B3GLCT: variants seen among roughly 807,000 people sequenced by gnomAD.
The protein encoded by B3GLCT is beta 3-glucosyltransferase.
B3GLCT carries 65 observed loss-of-function variants against 63.4 expected under a neutral mutation model. The ratio of observed to expected loss-of-function variants is 1.03; its 90% confidence interval spans 0.84 to 1.26. The LOEUF is 1.26. Among genes scored for constraint, B3GLCT ranks in the 50% most tolerant of loss-of-function variants. The probability of loss-of-function intolerance (pLI) is 0.00; values close to 1 mark genes in which losing one functional copy is unlikely to be tolerated. For missense variants in B3GLCT, 577 were observed against 604.8 expected (o/e 0.95, Z 0.48); for synonymous variants, 233 against 219.2 (o/e 1.06, Z -0.55).
intron 4 of B3GLCT, among the ~76,000 whole-genome samples, chr13:31,241,782 G>A (rs1454380667): frequency 6.6e-6 from 1 of 152,144 alleles, no homozygotes; most frequent in Non-Finnish European, 1.5e-5. Context: ...GCAATACATC[G>A]TGGGTGTCAC....
chr13:31,292,022 G>A (rs1035439752), intron 12 of B3GLCT, among the ~76,000 whole-genome samples: 12 of 152,230 alleles, frequency 7.9e-5, no homozygotes, highest in African/African-American at 2.9e-4. Context: ...TTTTTAGCAT[G>A]AAGGGGTGTT....
chr13:31,210,267 G>A (rs1374792046), intron 1 of B3GLCT, among the ~76,000 whole-genome samples: 1 of 152,120 alleles, frequency 6.6e-6, no homozygotes, highest in East Asian at 1.9e-4. Flanking sequence ...TGGAAAAGGG[G>A]AAATTACTTT....
At chr13:31,321,199 G>C (rs1875313670) in intron 13 of B3GLCT, among the ~76,000 whole-genome samples, 1 of 152,248 alleles carries the variant, frequency 6.6e-6, no homozygotes, top group Non-Finnish European at 1.5e-5. Flanking sequence ...ATTGACCAAT[G>C]TGATGTTCTG....
chr13:31,200,264 C>A, intron 1 of B3GLCT, 110 bp downstream of exon 1: 1 of 521,472 alleles, frequency 1.9e-6, no homozygotes, highest in Non-Finnish European at 2.5e-6. Flanking sequence ...CCAGCCCTGC[C>A]CCGCCGGCGC....
intron 4 of B3GLCT, among the ~76,000 whole-genome samples, chr13:31,243,509 T>A (rs1405454740): frequency 6.6e-6 from 1 of 152,214 alleles, no homozygotes; most frequent in African/African-American, 2.4e-5. Flanking sequence ...ATACTATTAA[T>A]ATTTCTACAT....
chr13:31,288,625 C>T (rs773441866), intron 12 of B3GLCT, among the ~76,000 whole-genome samples: 21 of 152,218 alleles, frequency 1.4e-4, no homozygotes, highest in Non-Finnish European at 2.4e-4. Flanking sequence ...GAGGAAATTA[C>T]ACATACCACG....
chr13:31,224,426 A>T (rs960159984), intron 3 of B3GLCT, among the ~76,000 whole-genome samples: 6 of 152,168 alleles, frequency 3.9e-5, no homozygotes, highest in Admixed American at 1.3e-4. Context: ...GCAATTGCAC[A>T]TGGCAAGTCG....
At chr13:31,237,672 A>G (rs760728598) in intron 4 of B3GLCT, among the ~76,000 whole-genome samples, 5 of 152,190 alleles carry the variant, frequency 3.3e-5, no homozygotes, top group Non-Finnish European at 5.9e-5. Flanking sequence ...GGCTGTTTTA[A>G]GAAATGGACA....
At position 31,284,978 on chromosome 13, in the gene B3GLCT, G is replaced by T. The variant is rs114996774; in HGVS notation, c.964+217G>T. Among the ~76,000 whole-genome samples the T allele has an allele frequency of 1.5e-3, 221 of 152,224 alleles. 2 individuals carry two copies. The highest frequency in any genetic ancestry group is 5.2e-3 in the African/African-American group (217 of 41,540). ...TTAGTAGCTTATATCCTATAATTGA[G>T]CACATGATAGTTACAGCAGAATTTA... On this transcript the variant is annotated intron_variant, in intron 11 of 14. Transcript: ENST00000343307.
intron 6 of B3GLCT, among the ~76,000 whole-genome samples, chr13:31,255,860 A>G (rs1307823146): frequency 1.3e-5 from 2 of 152,230 alleles, no homozygotes; most frequent in African/African-American, 2.4e-5. Context: ...AACCTAGGCA[A>G]TACCATTCAG....
chr13:31,313,537 A>G lies in B3GLCT; in HGVS notation c.1065-4029A>G, dbSNP rs138545411. ...TGAAACTTTCAACTCGAGAGAGATG[A>G]TTTAGGGTATGTGGTGGAAGAAATT... is the stretch of plus-strand genomic sequence containing the variant. On this transcript the variant is annotated intron_variant, in intron 12 of 14. Transcript: ENST00000343307. 5.5e-3 allele frequency among the ~76,000 whole-genome samples: 839 copies of G among 152,304 alleles called. 12 individuals are homozygous for G. Among genetic ancestry groups the G allele is most frequent in the African/African-American group, 0.019 (806 of 41,566 alleles).
chr13:31,232,299 T>C (rs1870418267), intron 4 of B3GLCT, among the ~76,000 whole-genome samples: 1 of 152,198 alleles, frequency 6.6e-6, no homozygotes, highest in African/African-American at 2.4e-5. Context: ...TTTACTTGGC[T>C]TATGGTTCCA....
chr13:31,317,501 A>G, intron 12 of B3GLCT, 65 bp from the exon 13 acceptor site: 1 of 1,598,158 alleles, frequency 6.3e-7, no homozygotes, highest in Non-Finnish European at 8.6e-7. Flanking sequence ...TGTAAGAACC[A>G]TAAACTGTTC....
chr13:31,280,885 C>A (rs1355647417), intron 10 of B3GLCT, among the ~76,000 whole-genome samples: 2 of 152,094 alleles, frequency 1.3e-5, no homozygotes, highest in Non-Finnish European at 2.9e-5. Context: ...GAGAGGCAAG[C>A]ATTTAGTAGG....
At position 31,201,842 on chromosome 13, in the gene B3GLCT, A is replaced by C. The variant is rs145430489; in HGVS notation, c.70+1688A>C. Among the ~76,000 whole-genome samples, 153 of 152,324 alleles carry C rather than the reference A, an allele frequency of 1.0e-3. 3 individuals carry two copies. In the East Asian group the frequency reaches 0.013, roughly 13 times the overall value. The stretch of plus-strand genomic sequence containing the variant: ...CTAAGATGTCAACACATTTTTAGAG[A>C]TGTCTATTAGCCTTGTGAAGTTGTC... On this transcript the variant is annotated intron_variant, in intron 1 of 14. Transcript: ENST00000343307.
chr13:31,229,806 T>A (rs928348532), intron 4 of B3GLCT, among the ~76,000 whole-genome samples: 1 of 149,920 alleles, frequency 6.7e-6, no homozygotes, highest in African/African-American at 2.4e-5. Context: ...ATTATCATAT[T>A]CTGAATTTTT....
At chr13:31,285,059 A>G (rs1295965999) in intron 11 of B3GLCT, among the ~76,000 whole-genome samples, 3 of 152,176 alleles carry the variant, frequency 2.0e-5, no homozygotes, top group African/African-American at 7.2e-5. Flanking sequence ...GGTGTTTATT[A>G]TATTCCCACA....
chr13:31,239,345 A>G (rs910405911), intron 4 of B3GLCT, among the ~76,000 whole-genome samples: 2 of 152,136 alleles, frequency 1.3e-5, no homozygotes, highest in Non-Finnish European at 2.9e-5. Flanking sequence ...ATGTGAAGTG[A>G]TCGAGACTGA....
intron 13 of B3GLCT, among the ~76,000 whole-genome samples, chr13:31,323,239 A>G (rs943249834): frequency 2.1e-4 from 32 of 152,246 alleles, no homozygotes; most frequent in Admixed American, 2.0e-3. Context: ...TGATTCATAG[A>G]ATGTTTCCTC....
Sources: gnomAD v4.1 joint callset for allele counts (sites outside exome capture counted in the v4.1 genomes callset) on GRCh38, gnomAD v4.1.1 for gene constraint, MANE v1.5 for transcripts, NCBI Gene and HGNC (gene_info 2026-07-23, HGNC 2026-07-21) for gene names.